The following PCSK5 variants were observed in gnomAD, a reference collection of about 807,000 sequenced individuals.
PCSK5 encodes proprotein convertase subtilisin/kexin type 5.
PCSK5 carries 129 observed loss-of-function variants against 233.2 expected under a neutral mutation model. The observed-to-expected ratio is 0.55, with a 90% CI of 0.48 to 0.64. PCSK5 has a LOEUF of 0.64. Among genes scored for constraint, PCSK5 ranks in the 30% least tolerant of loss-of-function variants. The pLI is 0.00. For synonymous variants in PCSK5, 825 were observed against 879.2 expected, an observed-to-expected ratio of 0.94 and a Z score of 1.09; for missense variants, 2,076 against 2,430.1, an observed-to-expected ratio of 0.85 and a Z score of 3.06.
At chr9:75,903,984 C>G (rs986028046) in intron 1 of PCSK5, among the ~76,000 whole-genome samples, 1 of 152,150 alleles carries the variant, frequency 6.6e-6, no homozygotes, top group African/African-American at 2.4e-5. Flanking sequence ...TCAAAGAAAA[C>G]AAAATTGTAG....
rs1310393669 is a variant in PCSK5 at position 75,932,495 on chromosome 9, C to T, written c.297+12C>T. 2 of 1,496,906 alleles carry T rather than the reference C, an allele frequency of 1.3e-6. No homozygotes were observed. Among genetic ancestry groups the T allele is most frequent in the Non-Finnish European group, 1.9e-6 (2 of 1,073,028 alleles). The allele number at this position is 1,496,906 out of a possible 1,614,324, so 92.7% of individuals were successfully genotyped here. A position where few individuals can be genotyped will look rare whatever the true frequency, so the allele number is the denominator to read the frequency against. ...CAATGGAACCAAAGGTAAGAAGAAC[C>T]AGTTGCGTGGGGACCAAGAGGCAAA... On this transcript the variant is annotated intron_variant, in intron 2 of 37. Transcript: ENST00000674117.
rs186872083 is a variant in PCSK5, at chr9:76,044,148, G to A, written c.632+17111G>A. Among the ~76,000 whole-genome samples the A allele has an allele frequency of 7.2e-3, 1,093 of 152,174 alleles. 6 individuals are homozygous for A. Among genetic ancestry groups the A allele is most frequent in the African/African-American group, 0.024 (977 of 41,524 alleles). ...TCTTAAATAGCATAAGCAGAAATAA[G>A]GAAACAAATCAGATATAATTAGACC... On this transcript the variant is annotated intron_variant, in intron 5 of 37. Transcript: ENST00000674117.
intron 15 of PCSK5, among the ~76,000 whole-genome samples, chr9:76,180,329 C>G (rs1225431479): frequency 1.3e-5 from 2 of 152,020 alleles, no homozygotes; most frequent in East Asian, 3.9e-4. Flanking sequence ...AGTTTCATGT[C>G]CTTTCCACCC....
chr9:76,324,506 C>G lies in PCSK5; in HGVS notation c.4339+1218C>G, dbSNP rs1473887655. Among the ~76,000 whole-genome samples the G allele has an allele frequency of 2.6e-5, 4 of 152,246 alleles. No homozygotes were observed. In the South Asian group the frequency reaches 8.3e-4, roughly 32 times the overall value. On this transcript the variant is annotated intron_variant, in intron 32 of 37. Coordinates refer to ENST00000674117, the MANE Select transcript of PCSK5 (RefSeq NM_001372043.1). ...CTGGCCTCCCAAAGTGCTGGGATTA[C>G]AGGTGTGAGCCACCGCGCCCAGCCT...
chr9:75,944,188 T>C lies in PCSK5; in HGVS notation c.297+11705T>C, dbSNP rs903580150. The stretch of plus-strand genomic sequence containing the variant: ...AAAAAAGAAAGAAAGAAAAAAAATA[T>C]ATATATATATACACATATACATATA... On this transcript the variant is annotated intron_variant, in intron 2 of 37. Transcript: ENST00000674117. Among the ~76,000 whole-genome samples, 6 of 149,812 alleles carry C rather than the reference T, an allele frequency of 4.0e-5. No individual in the cohort carries two copies. The Admixed American group carries it at 4.0e-4, about 10-fold the overall frequency.
chr9:75,966,061 C>G (rs1337996466), intron 2 of PCSK5, among the ~76,000 whole-genome samples: 1 of 152,194 alleles, frequency 6.6e-6, no homozygotes, highest in Non-Finnish European at 1.5e-5. Context: ...CAACACACTT[C>G]AGGGTGTGTT....
intron 3 of PCSK5, among the ~76,000 whole-genome samples, chr9:76,005,183 G>A (rs1827424550): frequency 6.6e-6 from 1 of 152,112 alleles, no homozygotes; most frequent in South Asian, 2.1e-4. Context: ...ACAAACTTAT[G>A]TACAATTTAA....
intron 24 of PCSK5, among the ~76,000 whole-genome samples, chr9:76,252,888 A>G (rs1826857824): frequency 6.6e-6 from 1 of 152,216 alleles, no homozygotes; most frequent in Non-Finnish European, 1.5e-5. Context: ...CAGATATGCA[A>G]GGTTTTCAAG....
At chr9:76,161,423 A>C (rs140370307) in intron 12 of PCSK5, among the ~76,000 whole-genome samples, 1 of 150,330 alleles carries the variant, frequency 6.7e-6, no homozygotes, top group African/African-American at 2.4e-5. Flanking sequence ...TACCGAAGCT[A>C]GGGAAGGCCT....
At chr9:76,261,377 A>C (rs1460900593) in intron 24 of PCSK5, among the ~76,000 whole-genome samples, 1 of 152,212 alleles carries the variant, frequency 6.6e-6, no homozygotes, top group African/African-American at 2.4e-5. Context: ...AAAACCCTAA[A>C]GACACTGCCA....
chr9:76,192,633 A>AATTTAATTGCCGTTCT (rs1263395005), intron 20 of PCSK5, among the ~76,000 whole-genome samples: 1 of 133,496 alleles, frequency 7.5e-6, no homozygotes, highest in African/African-American at 2.5e-5. Context: ...TCTTGTGTTG[A>AATTTAATTGCCGTTCT]ATTTAATTGC....
rs758649976 is a variant in PCSK5 at position 76,359,612 on chromosome 9, C to G, written c.*690C>G. 2 of 152,124 alleles carry G rather than the reference C, an allele frequency of 1.3e-5. No individual in the cohort carries two copies. Among genetic ancestry groups the G allele is most frequent in the Non-Finnish European group, 2.9e-5 (2 of 68,048 alleles). The allele number at this position is 152,124 out of a possible 1,614,324, so 9.4% of individuals were successfully genotyped here. A position where few individuals can be genotyped will look rare whatever the true frequency, so the allele number is the denominator to read the frequency against. ...TAGTTCCTCCGCAGGAATCCAGAGT[C>G]ACAACAATTCTAAAGGCAGAGCAAG... is the stretch of plus-strand genomic sequence containing the variant. On this transcript the variant is annotated 3_prime_UTR_variant, in exon 38 of 38. Coordinates refer to ENST00000674117, the MANE Select transcript of PCSK5 (RefSeq NM_001372043.1).
intron 30 of PCSK5, among the ~76,000 whole-genome samples, chr9:76,318,122 C>G (rs17721309): frequency 0.015 from 2,305 of 152,280 alleles, 29 homozygotes; most frequent in Non-Finnish European, 0.026. Context: ...TTCCATTCAG[C>G]TTTTCCCACC....
intron 9 of PCSK5, among the ~76,000 whole-genome samples, chr9:76,122,065 C>T (rs1276941751): frequency 2.3e-5 from 1 of 43,930 alleles, no homozygotes; most frequent in Non-Finnish European, 6.1e-5. Flanking sequence ...CCTCGTGATC[C>T]GCCCGCCTCG....
intron 5 of PCSK5, 101 bp from the exon 6 acceptor site, chr9:76,067,854 A>G: frequency 1.1e-6 from 1 of 900,866 alleles, no homozygotes; most frequent in Non-Finnish European, 1.8e-6. Context: ...GAAACACCAC[A>G]GCTGGGTACA....
At chr9:76,250,763 G>A (rs1163287872) in intron 24 of PCSK5, among the ~76,000 whole-genome samples, 1 of 152,100 alleles carries the variant, frequency 6.6e-6, no homozygotes, top group South Asian at 2.1e-4. Flanking sequence ...AAAAACTAAA[G>A]AAAGCTGAAT....
At chr9:76,107,384 G>A (rs1278008539) in intron 9 of PCSK5, 33 bp downstream of exon 9, 1 of 1,410,110 alleles carries the variant, frequency 7.1e-7, no homozygotes, top group African/African-American at 1.4e-5. Flanking sequence ...CTTCAATGGT[G>A]ACAACCCCTG....
chr9:76,174,919 T>G (rs1823504565), intron 13 of PCSK5, 67 bp from the exon 14 acceptor site: 1 of 1,444,370 alleles, frequency 6.9e-7, no homozygotes, highest in Non-Finnish European at 9.4e-7. Context: ...TGAGAAGGAC[T>G]TAAAGATGTT....
In PCSK5 at chr9:76,058,995, G is replaced by GA. The variant is rs1286548708; in HGVS notation, c.633-8952dup. ...CCCACACCCACTTCCCCACACAGACGAAAAAAAAGAAAGAAAAGAAATGTA... is the reference window on the plus strand; with the variant it reads ...CCCACACCCACTTCCCCACACAGACGAAAAAAAAAGAAAGAAAAGAAATGTA... On this transcript the variant is annotated intron_variant, in intron 5 of 37. Coordinates refer to ENST00000674117, the MANE Select transcript of PCSK5 (RefSeq NM_001372043.1). Among the ~76,000 whole-genome samples the GA allele has an allele frequency of 2.2e-4, 33 of 151,166 alleles. 1 individual carries two copies. Among genetic ancestry groups the GA allele is most frequent in the Admixed American group, 2.0e-3 (30 of 15,176 alleles).
Sources: allele counts gnomAD v4.1 joint callset (sites outside exome capture counted in the v4.1 genomes callset), GRCh38; gene constraint gnomAD v4.1.1; transcripts MANE v1.5; gene names NCBI Gene and HGNC (gene_info 2026-07-23, HGNC 2026-07-21).